The following PHLDB2 variants were observed in gnomAD, a reference collection of about 807,000 sequenced individuals.
PHLDB2 encodes the protein pleckstrin homology-like domain family B member 2.
Under a neutral mutation model 123.6 loss-of-function variants are expected in PHLDB2, and 71 were observed. The ratio of observed to expected loss-of-function variants is 0.57; its 90% CI spans 0.47 to 0.70. PHLDB2 has a LOEUF of 0.70. Ranked by LOEUF, PHLDB2 falls within the 30% of genes least tolerant of loss-of-function variation. The pLI is 0.00. For missense variants in PHLDB2, 1,446 were observed against 1,519.5 expected, an observed-to-expected ratio of 0.95 and a Z score of 0.80; for synonymous variants, 547 against 541.6, an observed-to-expected ratio of 1.01 and a Z score of -0.14.
chr3:111,903,346 G>T (rs982474880), intron 2 of PHLDB2, among the ~76,000 whole-genome samples: 1 of 152,160 alleles, frequency 6.6e-6, no homozygotes, highest in Non-Finnish European at 1.5e-5. Context: ...TTAATGTGTT[G>T]CTCTGTAGTG....
intron 12 of PHLDB2, chr3:111,958,758 ATGTTATTCT>A (rs1200316637): frequency 3.5e-5 from 16 of 455,172 alleles, no homozygotes; most frequent in Non-Finnish European, 6.6e-5. Context: ...CCACTGATTA[ATGTTATTCT>A]TGCTACATAA....
chr3:111,783,225 G>C (rs770384493), intron 1 of PHLDB2, among the ~76,000 whole-genome samples: 13 of 152,042 alleles, frequency 8.6e-5, no homozygotes, highest in Non-Finnish European at 1.5e-4. Flanking sequence ...GCCCTCCAGT[G>C]AATATGTACA....
intron 1 of PHLDB2, among the ~76,000 whole-genome samples, chr3:111,790,270 A>G (rs1003784705): frequency 2.0e-5 from 3 of 152,152 alleles, no homozygotes; most frequent in Non-Finnish European, 4.4e-5. Flanking sequence ...GCCAAGAAAG[A>G]GACTCCTGCT....
chr3:111,950,637 A>T (rs1279956358), intron 10 of PHLDB2, among the ~76,000 whole-genome samples: 3 of 152,080 alleles, frequency 2.0e-5, no homozygotes, highest in African/African-American at 7.2e-5. Flanking sequence ...CTTCCTTTCG[A>T]TTATAATCAA....
chr3:111,908,463 G>C (rs2067684482), intron 2 of PHLDB2, among the ~76,000 whole-genome samples: 1 of 152,186 alleles, frequency 6.6e-6, no homozygotes, highest in African/African-American at 2.4e-5. Flanking sequence ...TCCAGGACTA[G>C]TGTGGGTTAA....
intron 1 of PHLDB2, among the ~76,000 whole-genome samples, chr3:111,795,586 T>G (rs1365323928): frequency 1.3e-5 from 2 of 152,140 alleles, no homozygotes; most frequent in East Asian, 3.8e-4. Flanking sequence ...CTTCCATACA[T>G]CTTGAAGTCT....
chr3:111,872,446 T>C (rs2065391633), intron 1 of PHLDB2, among the ~76,000 whole-genome samples: 1 of 152,174 alleles, frequency 6.6e-6, no homozygotes, highest in Admixed American at 6.5e-5. Context: ...ACCTTGTCAA[T>C]GCCTCTTGTG....
chr3:111,774,611 A>G (rs1448529846), intron 1 of PHLDB2, among the ~76,000 whole-genome samples: 1 of 152,152 alleles, frequency 6.6e-6, no homozygotes, highest in Non-Finnish European at 1.5e-5. Context: ...TTTCAAAGGG[A>G]AAAATTGCTG....
At chr3:111,900,125 A>G (rs957053494) in intron 2 of PHLDB2, among the ~76,000 whole-genome samples, 5 of 152,240 alleles carry the variant, frequency 3.3e-5, no homozygotes, top group African/African-American at 1.2e-4. Context: ...GAAGAGAGTT[A>G]GGGCCTTGCT....
upstream of PHLDB2, among the ~76,000 whole-genome samples, chr3:111,858,016 GCAGCACTGTTCACAATAA>G (rs2064599803): frequency 6.6e-6 from 1 of 152,184 alleles, no homozygotes; most frequent in Admixed American, 6.5e-5. Context: ...TATGTTTATT[GCAGCACTGTTCACAATAA>G]CAAAGACTTG....
chr3:111,881,741 A>G (rs1351435154), intron 1 of PHLDB2, among the ~76,000 whole-genome samples: 2 of 151,272 alleles, frequency 1.3e-5, no homozygotes, highest in Non-Finnish European at 2.9e-5. Flanking sequence ...AGTAGCCACA[A>G]ATATTTTATG....
chr3:111,867,255 C>T (rs2065132962), intron 1 of PHLDB2, among the ~76,000 whole-genome samples: 1 of 151,920 alleles, frequency 6.6e-6, no homozygotes, highest in Non-Finnish European at 1.5e-5. Context: ...CAGCTAGGAG[C>T]CAGTGATATG....
Position 111,974,510 on chromosome 3 carries a change from T to C in PHLDB2, c.3709T>C (p.Trp1237Arg). 1 of 1,613,802 alleles carries C rather than the reference T, an allele frequency of 6.2e-7. No individual in the cohort carries two copies. The highest frequency in any genetic ancestry group is 8.5e-7 in the Non-Finnish European group (1 of 1,179,826). The change falls in exon 18 of 18, where the codon TGG becomes CGG. Residue 1237 changes from tryptophan (W) to arginine (R), a missense_variant. Physicochemically the swap from Trp to Arg is moderately radical, Grantham distance 101 (BLOSUM62 -3). Around this residue, in one of 3 missense-constraint regions of PHLDB2, gnomAD observed 594 missense variants for 646.0 expected, o/e 0.92. Coordinates refer to ENST00000431670, the MANE Select transcript of PHLDB2 (RefSeq NM_001134438.2). ...CCCATCGCCAGAAGCCATGCGGATC[T>C]GGATGGATGTTATAGTTACGGGGGC... ...VAPSPEAMRI[W>R]MDVIVTGAEG...
intron 8 of PHLDB2, 117 bp downstream of exon 8, chr3:111,940,762 A>AT (rs3835170): frequency 0.14 from 63,226 of 450,360 alleles, 5,365 homozygotes; most frequent in Non-Finnish European, 0.17. Flanking sequence ...TTTAAGGAAG[A>AT]TTTTTATATA....
In PHLDB2 at chr3:111,799,639, T is replaced by C. The variant is rs539443668; in HGVS notation, c.-48-46182T>C. 2.0e-3 allele frequency among the ~76,000 whole-genome samples: 298 copies of C among 152,306 alleles called. 1 individual carries two copies. Among genetic ancestry groups the C allele is most frequent in the Non-Finnish European group, 3.5e-3 (236 of 68,018 alleles). On this transcript the variant is annotated intron_variant, in intron 1 of 17. Transcript: ENST00000393923. ...ACATCAGGTTGGGTACTGAATTAAG[T>C]TTTTCTTAAAATCAAATTATAAAGA...
At chr3:111,735,057 T>C (rs560592841) in intron 1 of PHLDB2, among the ~76,000 whole-genome samples, 65 of 152,348 alleles carry the variant, frequency 4.3e-4, no homozygotes, top group African/African-American at 1.2e-3. Flanking sequence ...TTGTCCCTTT[T>C]TATACTGTAG....
Position 111,940,711 on chromosome 3 carries a change from C to G in PHLDB2, c.2397+66C>G. Reference sequence around the variant, plus strand: ...GGTTCCAAATTCAGGGAAATTGCCCCCTTTAAAGTAAACACCTTTTAATAG... The same window carrying G: ...GGTTCCAAATTCAGGGAAATTGCCCGCTTTAAAGTAAACACCTTTTAATAG... On this transcript the variant is annotated intron_variant, in intron 8 of 17. Transcript: ENST00000431670. The G allele has an allele frequency of 4.5e-6, 4 of 882,858 alleles. No individual in the cohort carries two copies. In the South Asian group the frequency reaches 6.3e-5, roughly 14 times the overall value. 54.7% of individuals were successfully genotyped at this position (882,858 alleles called of 1,614,324 possible). A position where few individuals can be genotyped will look rare whatever the true frequency, so the allele number is the denominator to read the frequency against.
chr3:111,767,550 C>T (rs192254524), intron 1 of PHLDB2, among the ~76,000 whole-genome samples: 73 of 152,262 alleles, frequency 4.8e-4, no homozygotes, highest in Admixed American at 1.4e-3. Context: ...CTTTGGGAAG[C>T]ACACACAAAA....
At chr3:111,901,183 C>T (rs1202771593) in intron 2 of PHLDB2, among the ~76,000 whole-genome samples, 1 of 150,920 alleles carries the variant, frequency 6.6e-6, no homozygotes, top group East Asian at 1.9e-4. Flanking sequence ...CACGGTGAAA[C>T]CCCATCTCTA....
Sources: allele counts gnomAD v4.1 joint callset (sites outside exome capture counted in the v4.1 genomes callset), GRCh38; gene constraint gnomAD v4.1.1; regional missense constraint gnomAD v4.1.1; transcripts MANE v1.5; gene names NCBI Gene and HGNC (gene_info 2026-07-23, HGNC 2026-07-21).